The following SRPK2 variants were observed in gnomAD, a reference collection of about 807,000 sequenced individuals.
The protein encoded by SRPK2 is SRSF protein kinase 2, also known as SFRS protein kinase 2.
Under a neutral mutation model 90.8 loss-of-function variants are expected in SRPK2, and 21 were observed. That is an observed-to-expected ratio of 0.23 (90% CI 0.16 to 0.33). The LOEUF is 0.33. SRPK2 is among the 10% of genes least tolerant of loss of function. SRPK2 has a pLI of 1.00. For missense variants in SRPK2, 620 were observed against 869.0 expected (o/e 0.71, Z 3.60); for synonymous variants, 288 against 311.1 (o/e 0.93, Z 0.78).
intron 2 of SRPK2, among the ~76,000 whole-genome samples, chr7:105,345,921 A>G (rs906929916): frequency 6.6e-6 from 1 of 152,270 alleles, no homozygotes; most frequent in Non-Finnish European, 1.5e-5. Flanking sequence ...TGGACATCAC[A>G]GATACAGAAT....
At chr7:105,340,901 T>C (rs1815693392) in intron 2 of SRPK2, among the ~76,000 whole-genome samples, 1 of 152,194 alleles carries the variant, frequency 6.6e-6, no homozygotes, top group Non-Finnish European at 1.5e-5. Flanking sequence ...ACTTTTCTAA[T>C]GAGATATTAA....
In SRPK2 at chr7:105,329,330, G is replaced by T. The variant is rs2131659660; in HGVS notation, c.71+59318C>A. 2.0e-5 allele frequency among the ~76,000 whole-genome samples: 3 copies of T among 152,316 alleles called. No individual in the cohort carries two copies. The Middle Eastern group carries it at 0.01, about 518-fold the overall frequency. On this transcript the variant is annotated intron_variant, in intron 2 of 15. Transcript: ENST00000393651. ...GGATAAGGTAGTTTTGAGAGGAAGA[G>T]AAGAGTGGGTATTAAAAGAAGATGA...
At chr7:105,224,043 A>AT (rs1414432947) in intron 2 of SRPK2, among the ~76,000 whole-genome samples, 1 of 152,166 alleles carries the variant, frequency 6.6e-6, no homozygotes, top group Non-Finnish European at 1.5e-5. Flanking sequence ...GTTTTAGTTT[A>AT]TTTCATATGG....
intron 3 of SRPK2, among the ~76,000 whole-genome samples, chr7:105,184,889 G>A (rs1273661325): frequency 6.6e-6 from 1 of 152,076 alleles, no homozygotes; most frequent in Non-Finnish European, 1.5e-5. Flanking sequence ...GGGACTTTAT[G>A]ATAGTTTTTA....
At chr7:105,380,863 G>C (rs1363075148) in intron 2 of SRPK2, among the ~76,000 whole-genome samples, 1 of 149,070 alleles carries the variant, frequency 6.7e-6, no homozygotes, top group Non-Finnish European at 1.5e-5. Context: ...TGGAGCCACA[G>C]CTGACACTTG....
intron 11 of SRPK2, among the ~76,000 whole-genome samples, chr7:105,137,159 T>A (rs1382350594): frequency 6.6e-6 from 1 of 151,950 alleles, no homozygotes; most frequent in Non-Finnish European, 1.5e-5. Flanking sequence ...AGTACAAAAA[T>A]CCTAAGGCAG....
chr7:105,140,641 T>G (rs924667305), intron 11 of SRPK2, among the ~76,000 whole-genome samples: 69 of 151,366 alleles, frequency 4.6e-4, no homozygotes, highest in African/African-American at 1.6e-3. Context: ...TAGAAATAAT[T>G]AAAAAGGTAC....
At chr7:105,373,461 G>A (rs1344349007) in intron 2 of SRPK2, among the ~76,000 whole-genome samples, 1 of 147,184 alleles carries the variant, frequency 6.8e-6, no homozygotes, top group Non-Finnish European at 1.5e-5. Context: ...GGAGTGCAGC[G>A]GCATGATCTT....
intron 2 of SRPK2, among the ~76,000 whole-genome samples, chr7:105,277,085 T>A (rs1485454621): frequency 9.8e-6 from 1 of 101,956 alleles, no homozygotes; most frequent in Non-Finnish European, 2.0e-5. Flanking sequence ...ATTATTATTA[T>A]TTTTTTTTTG....
At chr7:105,176,030 A>C (rs892517182) in intron 3 of SRPK2, among the ~76,000 whole-genome samples, 38 of 152,192 alleles carry the variant, frequency 2.5e-4, no homozygotes, top group Non-Finnish European at 4.1e-4. Context: ...CATTATAAGA[A>C]AACTGCAGAC....
At chr7:105,347,934 T>C (rs1816664228) in intron 2 of SRPK2, among the ~76,000 whole-genome samples, 1 of 151,812 alleles carries the variant, frequency 6.6e-6, no homozygotes, top group African/African-American at 2.4e-5. Context: ...ATCTCAAATG[T>C]CTCAACTACT....
chr7:105,388,901 G>A lies in SRPK2; in HGVS notation c.-95C>T. ...AGCCTCCACTCGCTCCGCCGGCCGG[G>A]AGGAGACGAGAACCGCGCCTGCGCC... is the stretch of plus-strand genomic sequence containing the variant. On this transcript the variant is annotated 5_prime_UTR_variant, in exon 1 of 16. Coordinates refer to ENST00000393651, the MANE Select transcript of SRPK2 (RefSeq NM_182692.3). The A allele has an allele frequency of 8.1e-7, 1 of 1,235,328 alleles. No homozygotes were observed. The highest frequency in any genetic ancestry group is 1.0e-6 in the Non-Finnish European group (1 of 992,246). The allele number at this position is 1,235,328 out of a possible 1,614,324, so 76.5% of individuals were successfully genotyped here.
chr7:105,256,106 G>A (rs182821977), intron 2 of SRPK2, among the ~76,000 whole-genome samples: 1 of 152,296 alleles, frequency 6.6e-6, no homozygotes. Context: ...AGACACACCT[G>A]TGAGCATCAA....
intron 13 of SRPK2, 109 bp downstream of exon 13, chr7:105,132,682 T>G (rs1802187036): frequency 6.9e-6 from 6 of 863,694 alleles, no homozygotes; most frequent in African/African-American, 1.7e-5. Context: ...TGGATGACCC[T>G]TACAGTCAGA....
intron 3 of SRPK2, among the ~76,000 whole-genome samples, chr7:105,172,691 GACTCCAAA>G: frequency 6.6e-6 from 1 of 152,274 alleles, no homozygotes; most frequent in African/African-American, 2.4e-5. Context: ...AACTAGGTAT[GACTCCAAA>G]ACCCATGTTT....
At chr7:105,179,193 A>C (rs1792405499) in intron 3 of SRPK2, among the ~76,000 whole-genome samples, 1 of 152,238 alleles carries the variant, frequency 6.6e-6, no homozygotes, top group Non-Finnish European at 1.5e-5. Context: ...ACAGATATTT[A>C]TGCTTGAATT....
intron 10 of SRPK2, 26 bp from the exon 11 acceptor site, chr7:105,142,516 T>A (rs750537443): frequency 7.6e-6 from 12 of 1,578,230 alleles, no homozygotes; most frequent in Non-Finnish European, 1.0e-5. Context: ...GGTCAAGAAT[T>A]AGAACTTGTT....
chr7:105,147,348 C>CG (rs1373042141), intron 7 of SRPK2, among the ~76,000 whole-genome samples: 1 of 152,036 alleles, frequency 6.6e-6, no homozygotes, highest in Non-Finnish European at 1.5e-5. Flanking sequence ...GACAGAGTCT[C>CG]GCTCTGTCAC....
intron 2 of SRPK2, among the ~76,000 whole-genome samples, chr7:105,248,572 C>T (rs1802039133): frequency 6.6e-6 from 1 of 152,010 alleles, no homozygotes; most frequent in Non-Finnish European, 1.5e-5. Context: ...CACTACACTC[C>T]AGCCTGGTAA....
Sources: allele counts gnomAD v4.1 joint callset (sites outside exome capture counted in the v4.1 genomes callset), GRCh38; gene constraint gnomAD v4.1.1; transcripts MANE v1.5; gene names NCBI Gene and HGNC (gene_info 2026-07-23, HGNC 2026-07-21).